The following BAZ1A variants were observed in gnomAD, a reference collection of about 807,000 sequenced individuals.
BAZ1A encodes the protein bromodomain adjacent to zinc finger domain 1A.
BAZ1A carries 50 observed loss-of-function variants against 185.2 expected under a neutral mutation model. The ratio of observed to expected loss-of-function variants is 0.27; its 90% confidence interval spans 0.22 to 0.34. The LOEUF is 0.34. Ranked by LOEUF, BAZ1A falls within the 10% of genes least tolerant of loss-of-function variation. The probability of loss-of-function intolerance (pLI) is 1.00; values close to 1 mark genes in which losing one functional copy is unlikely to be tolerated. For missense variants in BAZ1A, 1,356 were observed against 1,839.9 expected (o/e 0.74, Z 4.81); for synonymous variants, 571 against 615.6 (o/e 0.93, Z 1.07).
At chr14:34,759,184 T>TTTTTTTG (rs1555336968) in intron 24 of BAZ1A, among the ~76,000 whole-genome samples, 1 of 108,108 alleles carries the variant, frequency 9.3e-6, no homozygotes, top group African/African-American at 3.9e-5. Context: ...TTTTTTTTTT[T>TTTTTTTG]TTTTTTTTTT....
At chr14:34,792,325 T>C (rs1880900303) in intron 12 of BAZ1A, among the ~76,000 whole-genome samples, 1 of 151,232 alleles carries the variant, frequency 6.6e-6, no homozygotes, top group Non-Finnish European at 1.5e-5. Context: ...GTGGAGGTTG[T>C]GGTGAGCCAA....
chr14:34,872,114 ACTC>A (rs2042958389), intron 2 of BAZ1A, among the ~76,000 whole-genome samples: 1 of 152,130 alleles, frequency 6.6e-6, no homozygotes, highest in African/African-American at 2.4e-5. Context: ...CATCAGCAAT[ACTC>A]CTTAATTCAG....
intron 3 of BAZ1A, among the ~76,000 whole-genome samples, chr14:34,837,686 T>C (rs768154197): frequency 7.4e-4 from 112 of 152,218 alleles, no homozygotes; most frequent in African/African-American, 2.3e-3. Flanking sequence ...GCCTTATTAA[T>C]TAGTGTGGCT....
chr14:34,807,868 G>C (rs898213783), intron 5 of BAZ1A, among the ~76,000 whole-genome samples: 16 of 152,118 alleles, frequency 1.1e-4, no homozygotes, highest in African/African-American at 3.1e-4. Flanking sequence ...CACTTTGCGA[G>C]GCCGAGGCGG....
At chr14:34,815,713 A>C (rs916125122) in intron 4 of BAZ1A, among the ~76,000 whole-genome samples, 1 of 152,190 alleles carries the variant, frequency 6.6e-6, no homozygotes, top group African/African-American at 2.4e-5. Flanking sequence ...AAGTTATAAA[A>C]AATTAAACAA....
Position 34,774,498 on chromosome 14 carries a change from A to T in BAZ1A, c.2834-8T>A. On this transcript the variant is annotated splice_region_variant and splice_polypyrimidine_tract_variant and intron_variant, in intron 18 of 26. Transcript: ENST00000360310. Reference sequence around the variant, plus strand: ...TATCAGGCTGAGGTTTGTCTGAAATAGTAATCAAATACTTTTATTATGATT... The same window carrying T: ...TATCAGGCTGAGGTTTGTCTGAAATTGTAATCAAATACTTTTATTATGATT... 1 of 1,547,872 alleles carries T rather than the reference A, an allele frequency of 6.5e-7. No individual in the cohort carries two copies. Among genetic ancestry groups the T allele is most frequent in the Non-Finnish European group, 8.7e-7 (1 of 1,149,714 alleles).
At chr14:34,761,606 A>G (rs1317264428) in intron 24 of BAZ1A, 151 bp downstream of exon 24, 6 of 642,692 alleles carry the variant, frequency 9.3e-6, no homozygotes, top group Non-Finnish European at 1.6e-5. Flanking sequence ...TTGCCCCTTC[A>G]ATGACTATTA....
intron 4 of BAZ1A, among the ~76,000 whole-genome samples, chr14:34,814,253 T>TATAA (rs75245845): frequency 0.61 from 91,203 of 150,586 alleles, 27,703 homozygotes; most frequent in South Asian, 0.67. Context: ...TATATCTAAT[T>TATAA]ATGTTATAAA....
intron 8 of BAZ1A, 121 bp downstream of exon 8, chr14:34,800,973 A>G (rs1881501045): frequency 1.5e-6 from 1 of 652,556 alleles, no homozygotes; most frequent in Non-Finnish European, 2.5e-6. Context: ...GATAGAAAAA[A>G]TAACTGCACT....
chr14:34,845,436 T>C (rs2138773121), intron 3 of BAZ1A: 1 of 152,312 alleles, frequency 6.6e-6, no homozygotes, highest in African/African-American at 2.4e-5. Flanking sequence ...TTCTGATGCA[T>C]ACGTCAAATG....
intron 23 of BAZ1A, among the ~76,000 whole-genome samples, chr14:34,762,727 C>T (rs1352186802): frequency 6.6e-6 from 1 of 152,184 alleles, no homozygotes; most frequent in Non-Finnish European, 1.5e-5. Context: ...GCCTCGGCCT[C>T]CCAAAGTGCT....
At chr14:34,825,447 CAAAAAAAAAAAAAAAAAA>C (rs35449855) in intron 4 of BAZ1A, among the ~76,000 whole-genome samples, 1 of 55,402 alleles carries the variant, frequency 1.8e-5, no homozygotes, top group Non-Finnish European at 3.4e-5. Context: ...AACTCTGTCT[CAAAAAAAAAAAAAAAAAA>C]AAAAAAAAAA....
rs988449474 is a variant in BAZ1A at position 34,874,721 on chromosome 14, G to C, written c.-58-59C>G. The C allele has an allele frequency of 1.3e-5, 10 of 766,430 alleles. No homozygotes were observed. Among genetic ancestry groups the C allele is most frequent in the Admixed American group, 1.0e-4 (3 of 29,112 alleles). 47.5% of individuals were successfully genotyped at this position (766,430 alleles called of 1,614,324 possible). On this transcript the variant is annotated intron_variant, in intron 1 of 26. Transcript: ENST00000360310. The surrounding 1 kb of genome is among the most constrained non-coding windows in gnomAD (Gnocchi z 4.7). ...GGTGGGGAGCCCTCGGCGGCAGCGTGGGCCGGTCCGCGCGCTGGGAGAAGC... is the reference window on the plus strand; with the variant it reads ...GGTGGGGAGCCCTCGGCGGCAGCGTCGGCCGGTCCGCGCGCTGGGAGAAGC...
intron 21 of BAZ1A, among the ~76,000 whole-genome samples, chr14:34,768,322 C>T (rs1878986135): frequency 6.6e-6 from 1 of 152,062 alleles, no homozygotes; most frequent in Non-Finnish European, 1.5e-5. Context: ...AAACTCTTGT[C>T]CTATGTCTCT....
chr14:34,792,878 T>C lies in BAZ1A; in HGVS notation c.1407A>G (p.Pro469=), dbSNP rs779933592. ...GGAAGAAAAAAAGCAATTCACACAG[T>C]GGGCCTTCACTGTCATTTCCTACAA... The part of the protein sequence containing the change: ...EALVGNDSEG[P]LCELLFFFLT... The change falls in exon 12 of 27, where the codon CCA becomes CCG. Residue 469 remains proline (P), a synonymous_variant. Transcript: ENST00000360310. 2 of 1,613,814 alleles carry C rather than the reference T, an allele frequency of 1.2e-6. No individual in the cohort carries two copies. The highest frequency in any genetic ancestry group is 1.7e-5 in the Admixed American group (1 of 59,922).
chr14:34,871,730 G>A (rs181682891), intron 2 of BAZ1A, among the ~76,000 whole-genome samples: 1 of 152,292 alleles, frequency 6.6e-6, no homozygotes, highest in Admixed American at 6.5e-5. Flanking sequence ...AAAATTAGCT[G>A]GGCGTGGTGG....
intron 5 of BAZ1A, among the ~76,000 whole-genome samples, chr14:34,808,793 A>G (rs2041888121): frequency 6.6e-6 from 1 of 152,150 alleles, no homozygotes; most frequent in African/African-American, 2.4e-5. Flanking sequence ...AAACAAAACC[A>G]ATAGAAAAGA....
At chr14:34,791,205 T>C (rs1167460078) in intron 12 of BAZ1A, among the ~76,000 whole-genome samples, 1 of 152,148 alleles carries the variant, frequency 6.6e-6, no homozygotes, top group East Asian at 1.9e-4. Context: ...GCTTAATATA[T>C]ATTTTTCCTT....
chr14:34,794,679 G>T, intron 11 of BAZ1A, 70 bp downstream of exon 11: 1 of 1,491,656 alleles, frequency 6.7e-7, no homozygotes, highest in Non-Finnish European at 9.1e-7. Flanking sequence ...TTTACAAGGT[G>T]GCTTGTTTTT....
Sources: allele counts gnomAD v4.1 joint callset (sites outside exome capture counted in the v4.1 genomes callset), GRCh38; gene constraint gnomAD v4.1.1; non-coding constraint Gnocchi (gnomAD v3.1); transcripts MANE v1.5; gene names NCBI Gene and HGNC (gene_info 2026-07-23, HGNC 2026-07-21).